ITPR2: variants seen among roughly 807,000 people sequenced by gnomAD.
The protein encoded by ITPR2 is inositol 1,4,5-trisphosphate-gated calcium channel ITPR2.
In ITPR2, 207 loss-of-function variants were observed where a neutral mutation model predicts 317.1. The ratio of observed to expected loss-of-function variants is 0.65; its 90% CI spans 0.58 to 0.73. The LOEUF is 0.73. ITPR2 is among the 30% of genes least tolerant of loss of function. The pLI, the probability that ITPR2 is intolerant of heterozygous loss-of-function variation, is 0.00. For synonymous variants in ITPR2, 1,156 were observed against 1,149.1 expected (o/e 1.01, Z -0.12); for missense variants, 2,613 against 3,284.0 (o/e 0.80, Z 4.99).
At chr12:26,812,523 G>A (rs1161930459) in intron 1 of ITPR2, among the ~76,000 whole-genome samples, 2 of 152,116 alleles carry the variant, frequency 1.3e-5, no homozygotes, top group African/African-American at 2.4e-5. Flanking sequence ...AGCTTGCAGT[G>A]AGCTGAGATT....
chr12:26,432,454 T>C (rs994506345), intron 48 of ITPR2, among the ~76,000 whole-genome samples: 1 of 152,240 alleles, frequency 6.6e-6, no homozygotes, highest in Non-Finnish European at 1.5e-5. Context: ...GTGCCATTAA[T>C]ACTGATCACT....
intron 37 of ITPR2, among the ~76,000 whole-genome samples, chr12:26,510,837 T>G (rs1391760276): frequency 3.9e-5 from 6 of 152,212 alleles, no homozygotes; most frequent in Non-Finnish European, 7.3e-5. Context: ...TATTTGCTCT[T>G]CCGAAATATT....
At chr12:26,824,413 G>C (rs1245141132) in intron 1 of ITPR2, among the ~76,000 whole-genome samples, 2 of 151,888 alleles carry the variant, frequency 1.3e-5, no homozygotes, top group African/African-American at 2.4e-5. Flanking sequence ...CAGCATTACT[G>C]GTCAGACAAA....
At chr12:26,798,555 T>G (rs570761832) in intron 1 of ITPR2, among the ~76,000 whole-genome samples, 2 of 152,374 alleles carry the variant, frequency 1.3e-5, no homozygotes, top group South Asian at 4.1e-4. Flanking sequence ...GAACACATTA[T>G]TTTTAAAATG....
chr12:26,493,063 C>T (rs1942848504), intron 39 of ITPR2, among the ~76,000 whole-genome samples: 1 of 152,076 alleles, frequency 6.6e-6, no homozygotes, highest in African/African-American at 2.4e-5. Context: ...TCCAAAAAAA[C>T]TCACTCAATT....
chr12:26,387,849 A>G (rs930703159), intron 54 of ITPR2, among the ~76,000 whole-genome samples: 1 of 152,240 alleles, frequency 6.6e-6, no homozygotes, highest in African/African-American at 2.4e-5. Flanking sequence ...GTAATAGATG[A>G]AAAAGTTGCA....
chr12:26,466,283 T>C (rs1263762104), intron 45 of ITPR2, among the ~76,000 whole-genome samples: 1 of 152,244 alleles, frequency 6.6e-6, no homozygotes, highest in Non-Finnish European at 1.5e-5. Flanking sequence ...TGTTGTACTA[T>C]ATCCTTGCAT....
chr12:26,724,782 T>A (rs1457467198), intron 3 of ITPR2, 40 bp from the exon 4 acceptor site: 2 of 1,432,404 alleles, frequency 1.4e-6, no homozygotes, highest in Non-Finnish European at 1.9e-6. Flanking sequence ...AGAAATATAG[T>A]AAACAGAGTG....
At chr12:26,389,642 A>G (rs1939774024) in intron 54 of ITPR2, among the ~76,000 whole-genome samples, 1 of 152,196 alleles carries the variant, frequency 6.6e-6, no homozygotes, top group Non-Finnish European at 1.5e-5. Context: ...ATGTGGTTTA[A>G]CCTGATCATC....
intron 2 of ITPR2, among the ~76,000 whole-genome samples, chr12:26,766,769 A>G (rs1949727388): frequency 6.6e-6 from 1 of 152,160 alleles, no homozygotes; most frequent in African/African-American, 2.4e-5. Flanking sequence ...GCTGAGGTCT[A>G]TGATCCACTT....
At chr12:26,414,677 A>C (rs561385798) in intron 51 of ITPR2, among the ~76,000 whole-genome samples, 20 of 152,290 alleles carry the variant, frequency 1.3e-4, no homozygotes, top group Admixed American at 5.9e-4. Flanking sequence ...ATAAAGCCTA[A>C]CACCACAGGA....
intron 50 of ITPR2, among the ~76,000 whole-genome samples, chr12:26,416,406 A>G (rs888675190): frequency 6.6e-6 from 1 of 152,178 alleles, no homozygotes; most frequent in Non-Finnish European, 1.5e-5. Flanking sequence ...TTGGAAATGA[A>G]TAGTATTTTT....
chr12:26,489,325 GGAAGTGA>G (rs1171447011), intron 39 of ITPR2, among the ~76,000 whole-genome samples: 1 of 152,148 alleles, frequency 6.6e-6, no homozygotes, highest in Non-Finnish European at 1.5e-5. Context: ...AGAAGGGAAG[GGAAGTGA>G]GAATGGAGAA....
intron 45 of ITPR2, among the ~76,000 whole-genome samples, chr12:26,459,926 T>C (rs1031756906): frequency 2.6e-5 from 4 of 152,192 alleles, no homozygotes; most frequent in African/African-American, 2.4e-5. Context: ...CTGCTCCTCT[T>C]TCCATTTCAC....
At chr12:26,687,905 C>G (rs1165278562) in intron 10 of ITPR2, among the ~76,000 whole-genome samples, 3 of 152,132 alleles carry the variant, frequency 2.0e-5, no homozygotes. Context: ...ACCCTCATAA[C>G]AGTAGTTTCT....
At chr12:26,824,883 A>C (rs559083530) in intron 1 of ITPR2, among the ~76,000 whole-genome samples, 2 of 152,352 alleles carry the variant, frequency 1.3e-5, no homozygotes, top group East Asian at 3.9e-4. Context: ...GGGAGTAGAA[A>C]CATGACACCA....
chr12:26,646,275 G>A (rs1164528204), intron 21 of ITPR2, among the ~76,000 whole-genome samples: 1 of 151,720 alleles, frequency 6.6e-6, no homozygotes, highest in Non-Finnish European at 1.5e-5. Context: ...TTTCCTGGCA[G>A]ATTTTTTTTT....
At chr12:26,525,824 A>G (rs1294813743) in intron 37 of ITPR2, among the ~76,000 whole-genome samples, 1 of 152,202 alleles carries the variant, frequency 6.6e-6, no homozygotes, top group African/African-American at 2.4e-5. Flanking sequence ...CTACTGCTTA[A>G]TATGATACTT....
chr12:26,685,957 C>T (rs1289047219), intron 11 of ITPR2, among the ~76,000 whole-genome samples: 1 of 152,130 alleles, frequency 6.6e-6, no homozygotes, highest in African/African-American at 2.4e-5. Flanking sequence ...ATTACCTGAC[C>T]TTATATTAAT....
Sources: gnomAD v4.1 joint callset for allele counts (sites outside exome capture counted in the v4.1 genomes callset) on GRCh38, gnomAD v4.1.1 for gene constraint, MANE v1.5 for transcripts, NCBI Gene and HGNC (gene_info 2026-07-23, HGNC 2026-07-21) for gene names.